The following WDR35 variants were observed in gnomAD, a reference collection of about 807,000 sequenced individuals.
WDR35 encodes the protein WD repeat-containing protein 35.
A neutral mutation model predicts 158.3 loss-of-function variants in WDR35; 118 were observed. The observed-to-expected ratio is 0.75, with a 90% CI of 0.64 to 0.87. The LOEUF (loss-of-function observed/expected upper bound fraction) is 0.87, where lower values mean the gene tolerates loss of function less well. Among genes scored for constraint, WDR35 ranks in the 40% least tolerant of loss-of-function variants. The pLI is 0.00. For missense variants in WDR35, 1,263 were observed against 1,405.8 expected (o/e 0.90, Z 1.62); for synonymous variants, 448 against 476.1 (o/e 0.94, Z 0.77).
In WDR35 at chr2:19,973,771, T is replaced by A. The variant is rs984856535; in HGVS notation, c.737-63A>T. ...ATACGTAGCCTAGAGAACTTTATAA[T>A]CTTAAGAACAACTTTTAAACATTTT... is the stretch of plus-strand genomic sequence containing the variant. On this transcript the variant is annotated intron_variant, in intron 7 of 26. Coordinates refer to ENST00000281405, the MANE Select transcript of WDR35 (RefSeq NM_020779.4). 1.5e-5 allele frequency: 23 copies of A among 1,555,570 alleles called. No individual in the cohort carries two copies. In the African/African-American group the frequency reaches 2.2e-4, roughly 15 times the overall value.
chr2:19,958,291 T>A (rs763956209), intron 11 of WDR35, among the ~76,000 whole-genome samples: 3 of 152,186 alleles, frequency 2.0e-5, no homozygotes, highest in African/African-American at 4.8e-5. Flanking sequence ...TTCCTTGAAA[T>A]ATCACCTAAA....
At chr2:19,940,910 C>T (rs1670851963) in intron 17 of WDR35, among the ~76,000 whole-genome samples, 1 of 152,146 alleles carries the variant, frequency 6.6e-6, no homozygotes, top group Non-Finnish European at 1.5e-5. Context: ...CCTATGGTAT[C>T]ATCAATCTTT....
intron 10 of WDR35, among the ~76,000 whole-genome samples, chr2:19,965,540 A>G (rs905987424): frequency 2.0e-5 from 3 of 152,212 alleles, no homozygotes; most frequent in Non-Finnish European, 4.4e-5. Flanking sequence ...TCAAAGCTCA[A>G]TGCTTGGCTG....
At chr2:19,956,140 A>G (rs756738203) in intron 11 of WDR35, among the ~76,000 whole-genome samples, 1 of 152,212 alleles carries the variant, frequency 6.6e-6, no homozygotes, top group Non-Finnish European at 1.5e-5. Flanking sequence ...TTAAATATTT[A>G]GTAAATTCCA....
chr2:19,981,674 C>T (rs574451145), intron 3 of WDR35, among the ~76,000 whole-genome samples: 9 of 152,194 alleles, frequency 5.9e-5, no homozygotes, highest in Non-Finnish European at 8.8e-5. Flanking sequence ...CACAGCACCA[C>T]GCCTGGTTAA....
intron 2 of WDR35, among the ~76,000 whole-genome samples, chr2:19,983,680 T>C (rs1380950514): frequency 1.3e-5 from 2 of 152,200 alleles, no homozygotes; most frequent in Non-Finnish European, 2.9e-5. Flanking sequence ...TAAAATATTA[T>C]GAAAAATATC....
intron 9 of WDR35, 135 bp downstream of exon 9, chr2:19,969,345 G>A: frequency 1.1e-6 from 1 of 917,510 alleles, no homozygotes; most frequent in South Asian, 1.7e-5. Context: ...AAGTTTACTA[G>A]TTCTAAAATC....
At chr2:19,943,583 T>C (rs573499452) in intron 16 of WDR35, among the ~76,000 whole-genome samples, 1 of 152,082 alleles carries the variant, frequency 6.6e-6, no homozygotes, top group Non-Finnish European at 1.5e-5. Context: ...TAAGAGCATA[T>C]ATTCAAAAGT....
At chr2:19,989,325 G>C (rs774283354) in intron 1 of WDR35, 43 bp from the exon 2 acceptor site, 1 of 1,535,898 alleles carries the variant, frequency 6.5e-7, no homozygotes, top group South Asian at 1.1e-5. Context: ...TTTCACGAAG[G>C]AGCTGGGAAG....
At position 19,913,434 on chromosome 2, in the gene WDR35, A is replaced by G; in HGVS notation, c.*124T>C. The G allele has an allele frequency of 7.8e-7, 1 of 1,280,680 alleles. No homozygotes were observed. Among genetic ancestry groups the G allele is most frequent in the Non-Finnish European group, 1.1e-6 (1 of 926,346 alleles). The allele number at this position is 1,280,680 out of a possible 1,614,324, so 79.3% of individuals were successfully genotyped here. On this transcript the variant is annotated 3_prime_UTR_variant, in exon 27 of 27. Transcript: ENST00000281405. The stretch of plus-strand genomic sequence containing the variant: ...TAACATATATTTTGTGCAAAAATTC[A>G]ACTATAAATAATGAGGCTGATTTTC...
intron 10 of WDR35, among the ~76,000 whole-genome samples, chr2:19,964,277 C>T (rs571527203): frequency 7.2e-5 from 11 of 151,790 alleles, no homozygotes; most frequent in South Asian, 6.2e-4. Context: ...CAATCCAGAA[C>T]GTCAAGGAAA....
At chr2:19,975,409 T>A (rs1672171693) in intron 6 of WDR35, 121 bp downstream of exon 6, 2 of 1,194,466 alleles carry the variant, frequency 1.7e-6, no homozygotes, top group African/African-American at 3.1e-5. Context: ...AAAAAAAATC[T>A]GAATTGAAGA....
At chr2:19,956,033 A>G (rs1671417963) in intron 11 of WDR35, among the ~76,000 whole-genome samples, 1 of 152,216 alleles carries the variant, frequency 6.6e-6, no homozygotes, top group Admixed American at 6.5e-5. Context: ...AAAGCCAGGC[A>G]TGGAGACTGA....
intron 19 of WDR35, 75 bp downstream of exon 19, chr2:19,937,668 T>G (rs974246289): frequency 8.8e-6 from 14 of 1,587,306 alleles, no homozygotes; most frequent in Non-Finnish European, 1.0e-5. Flanking sequence ...CTAACGTATT[T>G]ATAGTTTCCA....
Position 19,937,729 on chromosome 2 carries a change from C to G in WDR35, c.2267+14G>C. ...GATAGAGTACTCAGGGATGCCTGCG[C>G]CTTCATAACTTACCTTCTGTCCATC... On this transcript the variant is annotated intron_variant, in intron 19 of 26. Transcript: ENST00000281405. 4 of 1,614,060 alleles carry G rather than the reference C, an allele frequency of 2.5e-6. No homozygotes were observed. Among genetic ancestry groups the G allele is most frequent in the Non-Finnish European group, 3.4e-6 (4 of 1,179,966 alleles).
chr2:19,914,964 A>G (rs1447991801), intron 25 of WDR35, among the ~76,000 whole-genome samples: 1 of 152,120 alleles, frequency 6.6e-6, no homozygotes, highest in Non-Finnish European at 1.5e-5. Flanking sequence ...GAGGGATAGC[A>G]TTAGGAGAAA....
At chr2:19,926,564 A>T (rs1670360961) in intron 25 of WDR35, among the ~76,000 whole-genome samples, 1 of 152,254 alleles carries the variant, frequency 6.6e-6, no homozygotes. Context: ...GATGACAAAA[A>T]CAAAAAAGAG....
intron 17 of WDR35, among the ~76,000 whole-genome samples, chr2:19,940,189 CAAAAAAAAAA>C (rs1197342596): frequency 1.2e-5 from 1 of 80,248 alleles, no homozygotes; most frequent in Non-Finnish European, 2.7e-5. Flanking sequence ...CCCATCTCTA[CAAAAAAAAAA>C]AAAAAAAAAC....
intron 25 of WDR35, among the ~76,000 whole-genome samples, chr2:19,916,281 G>A (rs1423782404): frequency 1.3e-5 from 2 of 152,214 alleles, no homozygotes; most frequent in Non-Finnish European, 2.9e-5. Flanking sequence ...CGCCACCGGG[G>A]CCCTGGGTTT....
Sources: allele counts gnomAD v4.1 joint callset (sites outside exome capture counted in the v4.1 genomes callset), GRCh38; gene constraint gnomAD v4.1.1; transcripts MANE v1.5; gene names NCBI Gene and HGNC (gene_info 2026-07-23, HGNC 2026-07-21).